Variants in TRPM8 observed in about 807,000 individuals in gnomAD.
TRPM8 encodes transient receptor potential cation channel subfamily M member 8, also known as TRPM8 cationic channel.
In TRPM8, 110 loss-of-function variants were observed where a neutral mutation model predicts 133.7. The ratio of observed to expected loss-of-function variants is 0.82; its 90% confidence interval spans 0.70 to 0.96. The LOEUF is 0.96. Among genes scored for constraint, TRPM8 ranks in the 40% least tolerant of loss-of-function variants. TRPM8 has a pLI of 0.00. For synonymous variants in TRPM8, 535 were observed against 532.3 expected (o/e 1.01, Z -0.07); for missense variants, 1,291 against 1,379.5 (o/e 0.94, Z 1.02).
chr2:233,942,716 C>T lies in TRPM8; in HGVS notation c.667C>T (p.Arg223Trp), dbSNP rs762851956. 31 of 1,614,000 alleles carry T rather than the reference C, an allele frequency of 1.9e-5. No individual in the cohort carries two copies. The highest frequency in any genetic ancestry group is 3.3e-4 in the Middle Eastern group (2 of 6,072). ...GIAAWGMVSN[R>W]DTLIRNCDAE... ...AGCAGCTTGGGGCATGGTCTCCAAC[C>T]GGGACACCCTCATCAGGAATTGCGA... Residue 223 changes from arginine (R) to tryptophan (W), a missense_variant, in exon 6 of 26, where the codon CGG becomes TGG. By Grantham distance (101) the Arg-to-Trp change is moderately radical. This residue lies in a region of TRPM8 where 963 missense variants were observed against 968.9 expected (regional missense o/e 0.99). Transcript: ENST00000324695.
At chr2:233,927,126 T>A (rs973156454) in intron 2 of TRPM8, among the ~76,000 whole-genome samples, 1 of 152,148 alleles carries the variant, frequency 6.6e-6, no homozygotes, top group African/African-American at 2.4e-5. Flanking sequence ...TCCAACACTC[T>A]CATATCCTGT....
intron 22 of TRPM8, among the ~76,000 whole-genome samples, chr2:234,006,244 T>C (rs965678058): frequency 1.3e-5 from 2 of 152,240 alleles, no homozygotes; most frequent in Admixed American, 6.5e-5. Flanking sequence ...TCTGTCCTTT[T>C]GTTTTCCTGT....
chr2:234,014,599 A>G lies in TRPM8; in HGVS notation c.3302A>G (p.Asn1101Ser), dbSNP rs144357618. Residue 1101 changes from asparagine (N) to serine (S), a missense_variant, in exon 25 of 26, where the codon AAT (asparagine) becomes AGT (serine). Physicochemically the swap from Asn to Ser is conservative, Grantham distance 46. Around this residue, in one of 2 missense-constraint regions of TRPM8, gnomAD observed 328 missense variants for 410.6 expected, o/e 0.80. Transcript: ENST00000324695. ...AAGGGTCTTCTGAAAGAGATTGCTA[A>G]TAAAATCAAATAAAACTGTATGAAC... is the stretch of plus-strand genomic sequence containing the variant. ...DLKGLLKEIA[N>S]KIK 1.4e-5 allele frequency: 21 copies of G among 1,542,326 alleles called. No homozygotes were observed. Among genetic ancestry groups the G allele is most frequent in the African/African-American group, 1.3e-4 (9 of 71,234 alleles).
Position 234,006,943 on chromosome 2 carries a change from C to T in TRPM8, c.3221C>T (p.Thr1074Ile). ...AAGATCAACACAAAAGCCAACGACA[C>T]CTCAGAGGAGTATGTCAGACATCCC... ...LVKINTKAND[T>I]SEEMRHRFRQ... The change falls in exon 23 of 26, where the codon ACC becomes ATC. Residue 1074 changes from threonine to isoleucine, a missense_variant. Transcript: ENST00000324695. 17 of 1,613,086 alleles carry T rather than the reference C, an allele frequency of 1.1e-5. No homozygotes were observed. The highest frequency in any genetic ancestry group is 1.4e-5 in the Non-Finnish European group (17 of 1,179,140).
chr2:233,998,490 C>A (rs933195144), intron 22 of TRPM8, among the ~76,000 whole-genome samples: 1 of 152,056 alleles, frequency 6.6e-6, no homozygotes, highest in African/African-American at 2.4e-5. Context: ...GCAGCCTGCG[C>A]CCAACCAGTT....
intron 6 of TRPM8, 67 bp downstream of exon 6, chr2:233,942,815 C>T (rs761159630): frequency 1.3e-6 from 2 of 1,595,182 alleles, no homozygotes; most frequent in Non-Finnish European, 1.7e-6. Flanking sequence ...GGGCCTGTGG[C>T]CTGAACCCTG....
At chr2:233,970,749 T>C (rs879746091) in intron 17 of TRPM8, among the ~76,000 whole-genome samples, 27 of 152,332 alleles carry the variant, frequency 1.8e-4, no homozygotes, top group Non-Finnish European at 2.6e-4. Flanking sequence ...GAGTGGTTTG[T>C]GTTCCTGCCA....
At chr2:233,963,233 C>T (rs1301633280) in intron 12 of TRPM8, 49 bp from the exon 13 acceptor site, 3 of 1,354,760 alleles carry the variant, frequency 2.2e-6, no homozygotes, top group East Asian at 2.3e-5. Flanking sequence ...TTCCTGATCC[C>T]AGAACAGTTT....
chr2:233,918,176 T>C (rs937650963), intron 1 of TRPM8, among the ~76,000 whole-genome samples: 4 of 152,076 alleles, frequency 2.6e-5, no homozygotes, highest in Non-Finnish European at 5.9e-5. Context: ...AAGATACTGA[T>C]CATGAGAGAA....
intron 1 of TRPM8, among the ~76,000 whole-genome samples, chr2:233,926,286 G>A (rs1338615324): frequency 6.6e-6 from 1 of 152,170 alleles, no homozygotes; most frequent in Non-Finnish European, 1.5e-5. Context: ...TGCCCAGGAG[G>A]GGATCCTGAC....
At chr2:233,934,197 C>T (rs1004839672) in intron 3 of TRPM8, among the ~76,000 whole-genome samples, 16 of 152,198 alleles carry the variant, frequency 1.1e-4, no homozygotes, top group South Asian at 6.2e-4. Context: ...TGGTTAGAAA[C>T]GGTGACTGAT....
rs1252730383 is a variant in TRPM8 at position 233,983,230 on chromosome 2, C to T, written c.2761+6C>T. On this transcript the variant is annotated splice_donor_region_variant and intron_variant, in intron 20 of 25. Transcript: ENST00000324695. ...GGTGCCCAGTGACGTGGATGGTAAG[C>T]CTGACTTGGCTCAGATGGAAACAGC... The T allele has an allele frequency of 1.2e-6, 2 of 1,614,052 alleles. No individual in the cohort carries two copies. Among genetic ancestry groups the T allele is most frequent in the South Asian group, 1.1e-5 (1 of 91,044 alleles).
intron 11 of TRPM8, chr2:233,955,506 G>A (rs115154941): frequency 1.3e-3 from 364 of 281,960 alleles, no homozygotes; most frequent in Non-Finnish European, 2.2e-3. Flanking sequence ...GCCTTCAGCT[G>A]CAAAGTGAGG....
At chr2:233,978,280 C>T (rs907789001) in intron 17 of TRPM8, among the ~76,000 whole-genome samples, 17 of 150,298 alleles carry the variant, frequency 1.1e-4, no homozygotes, top group African/African-American at 2.7e-4. Context: ...AGTCTCCCTA[C>T]GGACTTTCTC....
chr2:233,957,627 T>C (rs1052676292), intron 11 of TRPM8, among the ~76,000 whole-genome samples: 2 of 152,208 alleles, frequency 1.3e-5, no homozygotes, highest in African/African-American at 2.4e-5. Context: ...AAAGATATCA[T>C]TTTTTAATTA....
intron 14 of TRPM8, 93 bp downstream of exon 14, chr2:233,964,850 C>T: frequency 7.4e-7 from 1 of 1,359,222 alleles, no homozygotes; most frequent in Non-Finnish European, 9.9e-7. Flanking sequence ...TGGTGGAGGT[C>T]CGTGGCATGT....
chr2:234,003,878 C>T (rs1052277578), intron 22 of TRPM8, among the ~76,000 whole-genome samples: 2 of 152,142 alleles, frequency 1.3e-5, no homozygotes, highest in Non-Finnish European at 2.9e-5. Flanking sequence ...ACATTGTACT[C>T]AGTCCCAGGA....
intron 11 of TRPM8, among the ~76,000 whole-genome samples, chr2:233,957,726 C>T (rs1691327872): frequency 2.0e-5 from 3 of 152,156 alleles, no homozygotes. Flanking sequence ...TGGTGAGCCA[C>T]TCCACATCTC....
intron 11 of TRPM8, among the ~76,000 whole-genome samples, chr2:233,958,295 A>T (rs1419852705): frequency 6.6e-6 from 1 of 152,224 alleles, no homozygotes; most frequent in Non-Finnish European, 1.5e-5. Flanking sequence ...CGAGGCTCAG[A>T]GACACAATAA....
Sources: allele counts gnomAD v4.1 joint callset (sites outside exome capture counted in the v4.1 genomes callset), GRCh38; gene constraint gnomAD v4.1.1; regional missense constraint gnomAD v4.1.1; transcripts MANE v1.5; gene names NCBI Gene and HGNC (gene_info 2026-07-23, HGNC 2026-07-21).